Variants in PRKCH observed in about 807,000 individuals in gnomAD.
PRKCH encodes protein kinase C eta.
A neutral mutation model predicts 82.5 loss-of-function variants in PRKCH; 28 were observed. That is an observed-to-expected ratio of 0.34 (90% confidence interval 0.25 to 0.47). PRKCH has a LOEUF of 0.47. Among genes scored for constraint, PRKCH ranks in the 20% least tolerant of loss-of-function variants. The pLI is 1.00. For missense variants in PRKCH, 705 were observed against 881.8 expected (o/e 0.80, Z 2.54); for synonymous variants, 322 against 327.4 (o/e 0.98, Z 0.18).
At chr14:61,534,371 C>T (rs1276490509) in intron 12 of PRKCH, among the ~76,000 whole-genome samples, 3 of 152,186 alleles carry the variant, frequency 2.0e-5, no homozygotes, top group Non-Finnish European at 4.4e-5. Context: ...TCTGAACAAG[C>T]ATTCATTTGG....
chr14:61,347,346 C>G (rs554532676), intron 1 of PRKCH, among the ~76,000 whole-genome samples: 2 of 152,182 alleles, frequency 1.3e-5, no homozygotes, highest in East Asian at 3.8e-4. Flanking sequence ...TGATTATCTT[C>G]AAGTCTCCAT....
intron 1 of PRKCH, among the ~76,000 whole-genome samples, chr14:61,261,993 G>A (rs527952541): frequency 1.8e-4 from 28 of 152,050 alleles, no homozygotes; most frequent in East Asian, 1.4e-3. Flanking sequence ...AGGCCGAGGC[G>A]GGCAAATCAC....
chr14:61,479,942 A>T (rs7155413), intron 9 of PRKCH, among the ~76,000 whole-genome samples: 6,097 of 152,294 alleles, frequency 0.04, 412 homozygotes, highest in African/African-American at 0.14. Context: ...CATGTTAATG[A>T]CTTGTACTTG....
Position 61,445,694 on chromosome 14 carries a change from G to T in PRKCH, c.581G>T (p.Gly194Val). Residue 194 changes from glycine (G) to valine (V), a missense_variant and splice_region_variant, in exon 4 of 14, where the codon GGA becomes GTA. Coordinates refer to ENST00000332981, the MANE Select transcript of PRKCH (RefSeq NM_006255.5). Reference protein sequence around the residue: ...YCSHCREFIWGVFGKQGYQCQ... With the variant: ...YCSHCREFIWVVFGKQGYQCQ... ...GGTAGTTTTCTTCTCTTCAACAGGG[G>T]AGTGTTTGGGAAACAGGGTTATCAG... 6.2e-7 allele frequency: 1 copy of T among 1,609,514 alleles called. No individual in the cohort carries two copies. Among genetic ancestry groups the T allele is most frequent in the Non-Finnish European group, 8.5e-7 (1 of 1,175,816 alleles).
At chr14:61,371,483 C>T (rs1203531120) in intron 1 of PRKCH, among the ~76,000 whole-genome samples, 1 of 152,020 alleles carries the variant, frequency 6.6e-6, no homozygotes, top group Non-Finnish European at 1.5e-5. Flanking sequence ...AGCTTGACAG[C>T]TTGACAAGTC....
At chr14:61,277,012 C>T (rs951962584) in intron 1 of PRKCH, among the ~76,000 whole-genome samples, 1 of 151,948 alleles carries the variant, frequency 6.6e-6, no homozygotes, top group East Asian at 1.9e-4. Flanking sequence ...GGTGAAACCC[C>T]ATCTCTACTA....
At position 61,549,808 on chromosome 14, in the gene PRKCH, G is replaced by T; in HGVS notation, c.2029G>T (p.Val677Leu). 1 of 1,614,030 alleles carries T rather than the reference G, an allele frequency of 6.2e-7. No homozygotes were observed. Among genetic ancestry groups the T allele is most frequent in the Non-Finnish European group, 8.5e-7 (1 of 1,180,018 alleles). Residue 677 changes from valine to leucine, a missense_variant, in exon 14 of 14, where the codon GTG becomes TTG. Val to Leu is a conservative substitution (Grantham distance 32). This residue lies in a region of PRKCH where 91 missense variants were observed against 81.2 expected (regional missense o/e 1.12). Coordinates refer to ENST00000332981, the MANE Select transcript of PRKCH (RefSeq NM_006255.5). ...NQDEFRNFSY[V>L]SPELQP ...GGATGAGTTTAGAAACTTTTCCTAT[G>T]TGTCTCCAGAATTGCAACCATAGCC... is the stretch of plus-strand genomic sequence containing the variant.
intron 1 of PRKCH, among the ~76,000 whole-genome samples, chr14:61,346,575 A>G (rs1011738718): frequency 3.3e-5 from 5 of 152,216 alleles, no homozygotes; most frequent in African/African-American, 1.2e-4. Flanking sequence ...GGGTTATGCA[A>G]CACATGGGAT....
At chr14:61,370,046 C>G (rs145463202) in intron 1 of PRKCH, among the ~76,000 whole-genome samples, 2 of 151,864 alleles carry the variant, frequency 1.3e-5, no homozygotes, top group Non-Finnish European at 2.9e-5. Flanking sequence ...CAGGTTCAAG[C>G]GATTCTCCTG....
At chr14:61,254,341 G>A (rs996614631) in intron 1 of PRKCH, among the ~76,000 whole-genome samples, 7 of 152,214 alleles carry the variant, frequency 4.6e-5, no homozygotes, top group East Asian at 1.9e-4. Flanking sequence ...GACCAGGCAC[G>A]GTGGCTCATG....
At chr14:61,414,319 C>G (rs1566868416) in intron 2 of PRKCH, among the ~76,000 whole-genome samples, 1 of 150,764 alleles carries the variant, frequency 6.6e-6, no homozygotes, top group Non-Finnish European at 1.5e-5. Flanking sequence ...GTCACCCAGG[C>G]TGGAGTGTAG....
intron 2 of PRKCH, among the ~76,000 whole-genome samples, chr14:61,409,489 G>A (rs1882146227): frequency 6.6e-6 from 1 of 151,804 alleles, no homozygotes; most frequent in Non-Finnish European, 1.5e-5. Flanking sequence ...TTGAGCCCAG[G>A]AGTTCAAGAC....
chr14:61,339,512 A>G (rs1474176852), intron 1 of PRKCH, among the ~76,000 whole-genome samples: 2 of 145,754 alleles, frequency 1.4e-5, no homozygotes, highest in African/African-American at 2.5e-5. Flanking sequence ...TTTAGTAGAG[A>G]CGGGGTTTCA....
At chr14:61,326,141 C>T (rs1254033835) in intron 1 of PRKCH, among the ~76,000 whole-genome samples, 1 of 152,178 alleles carries the variant, frequency 6.6e-6, no homozygotes, top group East Asian at 1.9e-4. Context: ...AAAGCTTGTC[C>T]ACGAGTGTTC....
At chr14:61,460,175 T>C (rs1244929303) in intron 9 of PRKCH, among the ~76,000 whole-genome samples, 2 of 152,230 alleles carry the variant, frequency 1.3e-5, no homozygotes, top group African/African-American at 4.8e-5. Context: ...ATAATATTAA[T>C]AGTATATATT....
At position 61,530,556 on chromosome 14, in the gene PRKCH, T is replaced by TA; in HGVS notation, c.1723dup (p.Thr575AsnfsTer5). The TA allele has an allele frequency of 6.2e-7, 1 of 1,607,610 alleles. No homozygotes were observed. Among genetic ancestry groups the TA allele is most frequent in the Non-Finnish European group, 8.5e-7 (1 of 1,176,838 alleles). On this transcript the variant is annotated frameshift_variant, in exon 12 of 14. Transcript: ENST00000332981. LOFTEE classifies it high-confidence loss of function. The stretch of plus-strand genomic sequence containing the variant: ...TACTGAATGATGAGGTGGTCTACCC[T>TA]ACCTGGCTCCATGAAGATGCCACAG...
At chr14:61,459,868 A>G (rs1884950807) in intron 9 of PRKCH, among the ~76,000 whole-genome samples, 1 of 152,172 alleles carries the variant, frequency 6.6e-6, no homozygotes, top group Non-Finnish European at 1.5e-5. Flanking sequence ...ATTTTTTGAG[A>G]CAGGGTCTCA....
intron 1 of PRKCH, among the ~76,000 whole-genome samples, chr14:61,352,689 GGAAA>G (rs56406998): frequency 0.12 from 14,909 of 126,196 alleles, 870 homozygotes; most frequent in Non-Finnish European, 0.14. Context: ...AGAAAGGAAA[GGAAA>G]GAAAGAAAGA....
At chr14:61,414,994 T>G (rs893434444) in intron 2 of PRKCH, among the ~76,000 whole-genome samples, 1 of 152,166 alleles carries the variant, frequency 6.6e-6, no homozygotes, top group African/African-American at 2.4e-5. Flanking sequence ...GCCTTTCATC[T>G]GCAGGGACAC....
Sources: allele counts gnomAD v4.1 joint callset (sites outside exome capture counted in the v4.1 genomes callset), GRCh38; gene constraint gnomAD v4.1.1; regional missense constraint gnomAD v4.1.1; transcripts MANE v1.5; gene names NCBI Gene and HGNC (gene_info 2026-07-23, HGNC 2026-07-21).